The following ERCC6L2 variants were observed in gnomAD, a reference collection of about 807,000 sequenced individuals.
ERCC6L2 encodes the protein DNA excision repair protein ERCC-6-like 2.
Under a neutral mutation model 132.0 loss-of-function variants are expected in ERCC6L2, and 77 were observed. The observed-to-expected ratio is 0.58, with a 90% CI of 0.49 to 0.71. The LOEUF (loss-of-function observed/expected upper bound fraction) is 0.71, where lower values mean the gene tolerates loss of function less well. Among genes scored for constraint, ERCC6L2 ranks in the 30% least tolerant of loss-of-function variants. The probability of loss-of-function intolerance (pLI) is 0.00; values close to 1 mark genes in which losing one functional copy is unlikely to be tolerated. For missense variants in ERCC6L2, 1,542 were observed against 1,837.6 expected (o/e 0.84, Z 2.94); for synonymous variants, 583 against 632.4 (o/e 0.92, Z 1.17).
intron 17 of ERCC6L2, among the ~76,000 whole-genome samples, chr9:95,994,813 C>G (rs1192197278): frequency 2.6e-5 from 4 of 152,156 alleles, no homozygotes; most frequent in African/African-American, 4.8e-5. Flanking sequence ...GAAACTTGCT[C>G]TCCTGGATTG....
intron 12 of ERCC6L2, among the ~76,000 whole-genome samples, chr9:95,948,325 G>C (rs996779834): frequency 3.9e-5 from 6 of 152,198 alleles, no homozygotes; most frequent in African/African-American, 1.2e-4. Context: ...AACAAAGCCT[G>C]ATGATGTGAC....
chr9:95,951,944 C>T (rs568236901), intron 12 of ERCC6L2, among the ~76,000 whole-genome samples: 15 of 151,694 alleles, frequency 9.9e-5, no homozygotes, highest in Admixed American at 4.6e-4. Context: ...TCAAGGCAGG[C>T]GGATCACGAG....
chr9:95,981,234 TC>T (rs2133120517), intron 17 of ERCC6L2, among the ~76,000 whole-genome samples: 1 of 152,254 alleles, frequency 6.6e-6, no homozygotes, highest in South Asian at 2.1e-4. Context: ...CTAGATAAGA[TC>T]CTATGGTCTT....
rs1832883684 is a variant in ERCC6L2 at position 95,981,286 on chromosome 9, A to G, written c.3492+3071A>G. On this transcript the variant is annotated intron_variant, in intron 17 of 18. Transcript: ENST00000653738. ...ATACAGTAATTATTTGATGTACAGTAATTATTGATAACCAAAATGACAAAA... is the reference window on the plus strand; with the variant it reads ...ATACAGTAATTATTTGATGTACAGTGATTATTGATAACCAAAATGACAAAA... Among the ~76,000 whole-genome samples the G allele has an allele frequency of 4.6e-5, 7 of 152,310 alleles. No homozygotes were observed. The South Asian group carries it at 1.2e-3, about 27-fold the overall frequency.
chr9:95,907,856 C>CT (rs869053572), intron 4 of ERCC6L2, among the ~76,000 whole-genome samples: 12 of 145,830 alleles, frequency 8.2e-5, no homozygotes, highest in Non-Finnish European at 1.6e-4. Context: ...CACACACACA[C>CT]CCCCACACCC....
At chr9:95,953,516 A>G (rs938419806) in intron 12 of ERCC6L2, among the ~76,000 whole-genome samples, 1 of 151,164 alleles carries the variant, frequency 6.6e-6, no homozygotes, top group African/African-American at 2.4e-5. Context: ...CGGAGCTTGC[A>G]GTGAGCCTAG....
In ERCC6L2 at chr9:95,971,934, C is replaced by G. The variant is rs1480463061; in HGVS notation, c.2183C>G (p.Pro728Arg). ...EGPPAHKLEM[P>R]RQPDCQECRG... The stretch of plus-strand genomic sequence containing the variant: ...TTTTTGTCATTGTTTCTCCTATAGC[C>G]TAGACAGCCTGACTGTCAGGAATGC... Residue 728 changes from proline to arginine, a missense_variant and splice_region_variant, in exon 16 of 19, where the codon CCT becomes CGT. By Grantham distance (103) the Pro-to-Arg change is moderately radical. Around this residue, in one of 4 missense-constraint regions of ERCC6L2, gnomAD observed 945 missense variants for 1,105.2 expected, o/e 0.86. Coordinates refer to ENST00000653738, the MANE Select transcript of ERCC6L2 (RefSeq NM_020207.7). The G allele has an allele frequency of 1.5e-6, 2 of 1,293,262 alleles. No homozygotes were observed. Among genetic ancestry groups the G allele is most frequent in the Admixed American group, 4.7e-5 (2 of 42,578 alleles). The allele number at this position is 1,293,262 out of a possible 1,614,324, so 80.1% of individuals were successfully genotyped here.
At chr9:95,993,444 T>C (rs1279303240) in intron 17 of ERCC6L2, among the ~76,000 whole-genome samples, 1 of 152,222 alleles carries the variant, frequency 6.6e-6, no homozygotes, top group African/African-American at 2.4e-5. Flanking sequence ...CGCTTGGCCC[T>C]TTCCCACAGA....
In ERCC6L2 at chr9:96,012,451, G is replaced by A. The variant is rs762619724; in HGVS notation, c.3901G>A (p.Glu1301Lys). 6.6e-6 allele frequency: 9 copies of A among 1,366,404 alleles called. No individual in the cohort carries two copies. Among genetic ancestry groups the A allele is most frequent in the Non-Finnish European group, 6.9e-6 (7 of 1,021,342 alleles). The allele number at this position is 1,366,404 out of a possible 1,614,324, so 84.6% of individuals were successfully genotyped here. Residue 1301 changes from glutamate (E) to lysine (K), a missense_variant, in exon 19 of 19, where the codon GAA (glutamate) becomes AAA (lysine). By Grantham distance (56) the Glu-to-Lys change is moderately conservative. Around this residue, in one of 4 missense-constraint regions of ERCC6L2, gnomAD observed 442 missense variants for 583.4 expected, o/e 0.76. Transcript: ENST00000653738. ...QRTRKKSDKR[E>K]SLIKPRLSDS... ...CACCCGGAAGAAATCTGATAAAAGA[G>A]AATCTCTTATAAAACCAAGGCTGTC...
chr9:96,005,174 G>T (rs1460632003), intron 18 of ERCC6L2, among the ~76,000 whole-genome samples: 1 of 152,090 alleles, frequency 6.6e-6, no homozygotes, highest in Non-Finnish European at 1.5e-5. Context: ...TTAGCCGGGC[G>T]TGGTGGCGGG....
intron 13 of ERCC6L2, among the ~76,000 whole-genome samples, chr9:95,957,560 C>T (rs951766056): frequency 2.3e-4 from 35 of 152,044 alleles, no homozygotes; most frequent in African/African-American, 8.2e-4. Context: ...AGAGTCTTTC[C>T]TCAATTATGT....
chr9:96,010,755 ACT>A (rs1834001215), intron 18 of ERCC6L2, among the ~76,000 whole-genome samples: 2 of 151,872 alleles, frequency 1.3e-5, no homozygotes, highest in African/African-American at 4.8e-5. Flanking sequence ...TGGGTTTATC[ACT>A]CTATTCTACT....
At chr9:95,961,716 C>A (rs1267832438) in intron 13 of ERCC6L2, among the ~76,000 whole-genome samples, 1 of 152,032 alleles carries the variant, frequency 6.6e-6, no homozygotes, top group Non-Finnish European at 1.5e-5. Context: ...TAAAGAACTC[C>A]CACTGTATTA....
At chr9:96,001,269 C>T (rs893049778) in intron 17 of ERCC6L2, among the ~76,000 whole-genome samples, 7 of 152,174 alleles carry the variant, frequency 4.6e-5, no homozygotes, top group African/African-American at 1.7e-4. Context: ...AGCGGGTTGC[C>T]AATGCTGGCT....
At chr9:96,021,336 G>A (rs1381824028), downstream of ERCC6L2, 11 of 329,666 alleles carry the variant, frequency 3.3e-5, no homozygotes, top group Non-Finnish European at 2.3e-5. This position sits in a 1 kb window ranked among gnomAD's most constrained non-coding sequence, Gnocchi z 4.7. Context: ...GGCTGGAAAC[G>A]GGAAAGCGAG....
At position 95,926,325 on chromosome 9, in the gene ERCC6L2, C is replaced by T. The variant is rs371022846; in HGVS notation, c.1534-1754C>T. Among the ~76,000 whole-genome samples, 34 of 152,144 alleles carry T rather than the reference C, an allele frequency of 2.2e-4. 1 individual carries two copies. The East Asian group carries it at 2.7e-3, about 12-fold the overall frequency. On this transcript the variant is annotated intron_variant, in intron 9 of 18. Coordinates refer to ENST00000653738, the MANE Select transcript of ERCC6L2 (RefSeq NM_020207.7). The stretch of plus-strand genomic sequence containing the variant: ...TTTAATGAGTTAGAAACTTACATCC[C>T]GACAAGAACCTATGAGTTTATTTAT...
At position 95,875,767 on chromosome 9, in the gene ERCC6L2, G is replaced by A. The variant is rs1827213839; in HGVS notation, c.-272G>A. 5.6e-6 allele frequency: 3 copies of A among 532,318 alleles called. No individual in the cohort carries two copies. The South Asian group carries it at 7.4e-5, about 13-fold the overall frequency. The allele number at this position is 532,318 out of a possible 1,614,324, so 33.0% of individuals were successfully genotyped here. ...GCGGCGGCGGAGCCCGAGAGAACTA[G>A]GTGAACACCGCTTTGCCAGCCTCAC... On this transcript the variant is annotated 5_prime_UTR_variant, in exon 1 of 19. Coordinates refer to ENST00000653738, the MANE Select transcript of ERCC6L2 (RefSeq NM_020207.7).
intron 19 of ERCC6L2, among the ~76,000 whole-genome samples, chr9:96,026,440 GGGGGAAGCGC>G (rs911356027): frequency 3.9e-5 from 6 of 152,106 alleles, no homozygotes; most frequent in African/African-American, 7.2e-5. Context: ...GGGCGGGGGT[GGGGGAAGCGC>G]GGGGAAGCGC....
intron 16 of ERCC6L2, among the ~76,000 whole-genome samples, chr9:95,974,857 A>G (rs773163067): frequency 3.3e-5 from 5 of 152,108 alleles, no homozygotes; most frequent in Non-Finnish European, 5.9e-5. Context: ...TTATACGTCC[A>G]TATTTGTATT....
Sources: allele counts gnomAD v4.1 joint callset (sites outside exome capture counted in the v4.1 genomes callset), GRCh38; gene constraint gnomAD v4.1.1; regional missense constraint gnomAD v4.1.1; non-coding constraint Gnocchi (gnomAD v3.1); transcripts MANE v1.5; gene names NCBI Gene and HGNC (gene_info 2026-07-23, HGNC 2026-07-21).